The following DSTYK variants were observed in gnomAD, a reference collection of about 807,000 sequenced individuals.
DSTYK encodes dual serine/threonine and tyrosine protein kinase.
In DSTYK, 34 loss-of-function variants were observed where a neutral mutation model predicts 98.7. The observed-to-expected ratio is 0.34, with a 90% CI of 0.26 to 0.46. The LOEUF (loss-of-function observed/expected upper bound fraction) is 0.46. Ranked by LOEUF, DSTYK falls within the 20% of genes least tolerant of loss-of-function variation. The probability of loss-of-function intolerance (pLI) is 1.00; values close to 1 mark genes in which losing one functional copy is unlikely to be tolerated. For missense variants in DSTYK, 962 were observed against 1,181.7 expected (o/e 0.81, Z 2.73); for synonymous variants, 462 against 457.3 (o/e 1.01, Z -0.13).
rs73081299 is a variant in DSTYK at position 205,157,845 on chromosome 1, G to A, written c.2239-459C>T. Among the ~76,000 whole-genome samples, 954 of 152,080 alleles carry A rather than the reference G, an allele frequency of 6.3e-3. 13 individuals carry two copies. The highest frequency in any genetic ancestry group is 0.022 in the African/African-American group (919 of 41,488). On this transcript the variant is annotated intron_variant, in intron 9 of 12. Transcript: ENST00000367162. ...AAGCAAGGAAGAGCAAGTTGTAAAG[G>A]AGACAAAGCCAGATAAAATCCCTTG...
intron 3 of DSTYK, among the ~76,000 whole-genome samples, chr1:205,164,484 C>T (rs891926166): frequency 1.1e-4 from 16 of 140,466 alleles, no homozygotes; most frequent in Admixed American, 8.3e-4. Flanking sequence ...TTTTTTGAGA[C>T]GGAGTCTCGC....
At chr1:205,209,639 T>C (rs1659311091) in intron 1 of DSTYK, among the ~76,000 whole-genome samples, 2 of 54,782 alleles carry the variant, frequency 3.7e-5, no homozygotes, top group African/African-American at 6.8e-5. Flanking sequence ...ATGACTAGTT[T>C]TTCTGAAACT....
In DSTYK at chr1:205,146,853, G is replaced by T. The variant is rs990030078; in HGVS notation, c.*705C>A. On this transcript the variant is annotated 3_prime_UTR_variant, in exon 13 of 13. Transcript: ENST00000367162. ...CCCAAAGTGCTGAGATTACAGGCGTGAGCCACCATGCCTGGCCTCTTTTTT... is the reference window on the plus strand; with the variant it reads ...CCCAAAGTGCTGAGATTACAGGCGTTAGCCACCATGCCTGGCCTCTTTTTT... 1 of 151,386 alleles carries T rather than the reference G, an allele frequency of 6.6e-6. No individual in the cohort carries two copies. The highest frequency in any genetic ancestry group is 2.1e-4 in the South Asian group (1 of 4,786). The allele number at this position is 151,386 out of a possible 1,614,324, so 9.4% of individuals were successfully genotyped here.
At chr1:205,190,847 A>C (rs1658692486) in intron 1 of DSTYK, among the ~76,000 whole-genome samples, 1 of 152,152 alleles carries the variant, frequency 6.6e-6, no homozygotes. Flanking sequence ...TGGTTTCATC[A>C]CAAAAAGACC....
intron 12 of DSTYK, 117 bp downstream of exon 12, chr1:205,148,088 A>G (rs1459479702): frequency 8.1e-7 from 1 of 1,241,538 alleles, no homozygotes; most frequent in Non-Finnish European, 1.1e-6. Flanking sequence ...GTTTAAACGT[A>G]TCTACGGCCC....
intron 1 of DSTYK, 39 bp from the exon 2 acceptor site, chr1:205,187,845 TAGAG>T: frequency 6.5e-7 from 1 of 1,533,542 alleles, no homozygotes. Context: ...GAGAAAGGAG[TAGAG>T]AGAGAGGAGT....
At chr1:205,194,624 C>G (rs1476034810) in intron 1 of DSTYK, among the ~76,000 whole-genome samples, 2 of 151,400 alleles carry the variant, frequency 1.3e-5, no homozygotes, top group Non-Finnish European at 1.5e-5. Context: ...TTCAAGCGAC[C>G]CTCCCACCTC....
At chr1:205,211,111 C>T (rs1279731689) in intron 1 of DSTYK, among the ~76,000 whole-genome samples, 160 bp downstream of exon 1, 1 of 152,210 alleles carries the variant, frequency 6.6e-6, no homozygotes, top group Non-Finnish European at 1.5e-5. Context: ...CCCAAGGTAT[C>T]CCAGATCCGG....
rs1257225850 is a variant in DSTYK at position 205,150,867 on chromosome 1, AAGGT to A, written c.2353-77_2353-74del. On this transcript the variant is annotated intron_variant, in intron 10 of 12. Transcript: ENST00000367162. The surrounding 1 kb of genome is among the most constrained non-coding windows in gnomAD (Gnocchi z 4.1). ...CAGCACTGCTGCGTACCTAAGCTCA[AAGGT>A]AGGTACCTCAAAGTAGTGTCACTGG... 8.5e-7 allele frequency: 1 copy of A among 1,176,460 alleles called. No individual in the cohort carries two copies. Among genetic ancestry groups the A allele is most frequent in the African/African-American group, 1.5e-5 (1 of 66,422 alleles). The allele number at this position is 1,176,460 out of a possible 1,614,324, so 72.9% of individuals were successfully genotyped here.
rs780470341 is a variant in DSTYK, at chr1:205,187,670, C to T, written c.402G>A (p.Val134=). Residue 134 remains valine, a synonymous_variant, in exon 2 of 13, where the codon GTG becomes GTA. Transcript: ENST00000367162. The part of the protein sequence containing the change: ...KCQLLNLLLG[V]QVLPTTKLGS... The stretch of plus-strand genomic sequence containing the variant: ...CCAGCTTGGTGGTGGGAAGCACCTG[C>T]ACCCCCAACAGCAGATTCAACAGCT... 1.9e-6 allele frequency: 3 copies of T among 1,614,204 alleles called. No individual in the cohort carries two copies. The highest frequency in any genetic ancestry group is 2.5e-6 in the Non-Finnish European group (3 of 1,180,040).
rs1170507449 is a variant in DSTYK at position 205,169,444 on chromosome 1, T to C, written c.1043A>G (p.His348Arg). The C allele has an allele frequency of 2.5e-6, 4 of 1,614,014 alleles. No homozygotes were observed. The Admixed American group carries it at 6.7e-5, about 27-fold the overall frequency. Residue 348 changes from histidine to arginine, a missense_variant, in exon 3 of 13, where the codon CAC becomes CGC. This residue lies in a region of DSTYK where 660 missense variants were observed against 855.0 expected (regional missense o/e 0.77). Coordinates refer to ENST00000367162, the MANE Select transcript of DSTYK (RefSeq NM_015375.3). The surrounding 1 kb of genome is among the most constrained non-coding windows in gnomAD (Gnocchi z 4.0). ...CACCAGGCGAGTCTGTAACACCTGG[T>C]GAGAAAATGTGCTCAAGTGTCTCAG... ...EKLRHLSTFS[H>R]QVLQTRLVDA...
chr1:205,201,068 G>T (rs938119439), intron 1 of DSTYK, among the ~76,000 whole-genome samples: 1 of 151,874 alleles, frequency 6.6e-6, no homozygotes, highest in South Asian at 2.1e-4. Context: ...ACCATACCCG[G>T]CTAGTTTTGT....
At chr1:205,189,716 T>A (rs1043426131) in intron 1 of DSTYK, among the ~76,000 whole-genome samples, 1 of 152,182 alleles carries the variant, frequency 6.6e-6, no homozygotes. Flanking sequence ...TTCACGCAGA[T>A]CCCTCTATGC....
intron 1 of DSTYK, among the ~76,000 whole-genome samples, chr1:205,195,501 C>G (rs1658839491): frequency 6.6e-6 from 1 of 152,176 alleles, no homozygotes; most frequent in Non-Finnish European, 1.5e-5. Context: ...AAGACTGACA[C>G]AGAAGGCACC....
chr1:205,177,704 T>C (rs1169467246), intron 2 of DSTYK, among the ~76,000 whole-genome samples: 1 of 151,796 alleles, frequency 6.6e-6, no homozygotes, highest in Non-Finnish European at 1.5e-5. Context: ...TTATCTCTAC[T>C]AAAAATACAA....
At chr1:205,165,440 T>C (rs1192120681) in intron 3 of DSTYK, among the ~76,000 whole-genome samples, 1 of 152,172 alleles carries the variant, frequency 6.6e-6, no homozygotes, top group Non-Finnish European at 1.5e-5. Context: ...TAAAACTCAA[T>C]TGTCCCCACC....
intron 2 of DSTYK, among the ~76,000 whole-genome samples, chr1:205,186,467 G>A (rs1022344599): frequency 6.6e-6 from 1 of 152,190 alleles, no homozygotes; most frequent in Non-Finnish European, 1.5e-5. Flanking sequence ...TTCATTGACT[G>A]AGAAACTAAG....
intron 1 of DSTYK, among the ~76,000 whole-genome samples, chr1:205,207,603 A>G (rs1483348486): frequency 6.7e-6 from 1 of 150,220 alleles, no homozygotes; most frequent in Non-Finnish European, 1.5e-5. Flanking sequence ...ATACAAAAAC[A>G]AAATTAGCTG....
rs1194310944 is a variant in DSTYK, at chr1:205,145,598, G to C, written c.*1960C>G. The C allele has an allele frequency of 6.9e-6, 1 of 145,658 alleles. No homozygotes were observed. The highest frequency in any genetic ancestry group is 1.5e-5 in the Non-Finnish European group (1 of 66,940). The allele number at this position is 145,658 out of a possible 1,614,324, so 9.0% of individuals were successfully genotyped here. ...GGCTGGAGTGCAGTGGCGTGATCTC[G>C]GCTCACCATGACCTCTGCCTCCCGG... On this transcript the variant is annotated 3_prime_UTR_variant, in exon 13 of 13. Coordinates refer to ENST00000367162, the MANE Select transcript of DSTYK (RefSeq NM_015375.3).
Sources: allele counts gnomAD v4.1 joint callset (sites outside exome capture counted in the v4.1 genomes callset), GRCh38; gene constraint gnomAD v4.1.1; regional missense constraint gnomAD v4.1.1; non-coding constraint Gnocchi (gnomAD v3.1); transcripts MANE v1.5; gene names NCBI Gene and HGNC (gene_info 2026-07-23, HGNC 2026-07-21).